The following RORA variants were observed in gnomAD, a reference collection of about 807,000 sequenced individuals.
RORA encodes nuclear receptor ROR-alpha.
Under a neutral mutation model 69.5 loss-of-function variants are expected in RORA, and 7 were observed. That is an observed-to-expected ratio of 0.10 (90% CI 0.06 to 0.19). The LOEUF (loss-of-function observed/expected upper bound fraction) is 0.19. RORA is among the 10% of genes least tolerant of loss of function. The pLI is 1.00. For synonymous variants in RORA, 261 were observed against 240.8 expected, an observed-to-expected ratio of 1.08 and a Z score of -0.78; for missense variants, 457 against 663.0, an observed-to-expected ratio of 0.69 and a Z score of 3.41.
chr15:60,533,644 A>G (rs1327189625), intron 2 of RORA, among the ~76,000 whole-genome samples: 1 of 152,212 alleles, frequency 6.6e-6, no homozygotes, highest in East Asian at 1.9e-4. Context: ...AAGTGGAAGT[A>G]GAGAAATCCT....
intron 1 of RORA, among the ~76,000 whole-genome samples, chr15:60,733,277 T>C (rs2071453796): frequency 6.6e-6 from 1 of 152,184 alleles, no homozygotes; most frequent in Admixed American, 6.5e-5. Flanking sequence ...AACTACCGAC[T>C]GTAGAGGCCA....
chr15:60,911,470 C>T (rs1891714813), intron 1 of RORA, among the ~76,000 whole-genome samples: 1 of 152,102 alleles, frequency 6.6e-6, no homozygotes, highest in African/African-American at 2.4e-5. Context: ...GTTGTGATTT[C>T]TAGGATCTTA....
At chr15:60,639,373 C>G (rs144111572) in intron 2 of RORA, among the ~76,000 whole-genome samples, 32 of 152,182 alleles carry the variant, frequency 2.1e-4, no homozygotes, top group African/African-American at 7.0e-4. Flanking sequence ...CACTTAAAAG[C>G]CATCGAAGCT....
rs147863977 is a variant in RORA at position 61,050,295 on chromosome 15, C to T, written c.166+178758G>A. On this transcript the variant is annotated intron_variant, in intron 1 of 10. Coordinates refer to ENST00000335670, the MANE Select transcript of RORA (RefSeq NM_134261.3). Reference sequence around the variant, plus strand: ...AAAGTCTAAAATATTTACTCTTTGGCCCTTTACGGAAAACGTGTACAAACT... The same window carrying T: ...AAAGTCTAAAATATTTACTCTTTGGTCCTTTACGGAAAACGTGTACAAACT... 1.8e-3 allele frequency among the ~76,000 whole-genome samples: 273 copies of T among 152,240 alleles called. 2 individuals carry two copies. Among genetic ancestry groups the T allele is most frequent in the Non-Finnish European group, 2.8e-3 (188 of 68,028 alleles).
At chr15:61,219,651 G>A (rs2080076490) in intron 1 of RORA, among the ~76,000 whole-genome samples, 2 of 152,114 alleles carry the variant, frequency 1.3e-5, no homozygotes, top group South Asian at 4.1e-4. Context: ...ACAGGAACAT[G>A]AGGTAAGAAA....
At chr15:61,161,280 G>T (rs2079493803) in intron 1 of RORA, among the ~76,000 whole-genome samples, 1 of 152,136 alleles carries the variant, frequency 6.6e-6, no homozygotes, top group South Asian at 2.1e-4. Context: ...CAGTAATATA[G>T]GGCAGAAGAG....
intron 2 of RORA, among the ~76,000 whole-genome samples, chr15:60,546,007 T>G (rs1025773578): frequency 6.6e-6 from 1 of 152,180 alleles, no homozygotes; most frequent in South Asian, 2.1e-4. Flanking sequence ...GGTGATCAGG[T>G]TGCCTTCAGT....
chr15:60,796,553 C>T (rs2072500021), intron 1 of RORA, among the ~76,000 whole-genome samples: 1 of 151,790 alleles, frequency 6.6e-6, no homozygotes, highest in Non-Finnish European at 1.5e-5. Flanking sequence ...GGTAAGGAAA[C>T]TGGAAACCTT....
intron 1 of RORA, among the ~76,000 whole-genome samples, chr15:60,924,924 C>T (rs1024666290): frequency 2.0e-5 from 3 of 151,740 alleles, no homozygotes; most frequent in Non-Finnish European, 4.4e-5. Context: ...ACTAAAAATA[C>T]AAAAATTAGC....
chr15:61,155,219 T>G (rs1044361906), intron 1 of RORA, among the ~76,000 whole-genome samples: 3 of 152,186 alleles, frequency 2.0e-5, no homozygotes, highest in African/African-American at 7.2e-5. Flanking sequence ...CCCGTAAATA[T>G]GTACATTATG....
chr15:60,634,517 G>A (rs1043531156), intron 2 of RORA, among the ~76,000 whole-genome samples: 3 of 151,624 alleles, frequency 2.0e-5, no homozygotes, highest in African/African-American at 4.8e-5. Context: ...CGATTCTCCT[G>A]CCTCAGCCTC....
At chr15:61,207,648 C>A (rs2079954442) in intron 1 of RORA, among the ~76,000 whole-genome samples, 2 of 152,212 alleles carry the variant, frequency 1.3e-5, no homozygotes, top group African/African-American at 4.8e-5. Context: ...TGATTCCGAG[C>A]TGAAAAGCAA....
At chr15:60,549,897 A>T (rs1390377022) in intron 2 of RORA, among the ~76,000 whole-genome samples, 1 of 152,256 alleles carries the variant, frequency 6.6e-6, no homozygotes, top group African/African-American at 2.4e-5. Context: ...ACTGAATTGT[A>T]AGGACAACAT....
Position 60,503,540 on chromosome 15 carries a change from T to C in RORA, c.1070A>G (p.Lys357Arg). 1.9e-6 allele frequency: 3 copies of C among 1,614,064 alleles called. No homozygotes were observed. The highest frequency in any genetic ancestry group is 2.5e-6 in the Non-Finnish European group (3 of 1,179,972). ...LCQNDQIVLL[K>R]AGSLEVVFIR... ...TTCACTTGCAAAGCACATACCTGCT[T>C]TTAGAAGCACAATTTGATCATTTTG... Residue 357 changes from lysine (K) to arginine (R), a missense_variant, in exon 7 of 11, where the codon AAA becomes AGA. Coordinates refer to ENST00000335670, the MANE Select transcript of RORA (RefSeq NM_134261.3).
At position 60,958,011 on chromosome 15, in the gene RORA, T is replaced by G. The variant is rs187742535; in HGVS notation, c.166+271042A>C. On this transcript the variant is annotated intron_variant, in intron 1 of 10. Coordinates refer to ENST00000335670, the MANE Select transcript of RORA (RefSeq NM_134261.3). ...CTTGAAATGAGAATAATTAGCCAAC[T>G]GCTTTGATTCAATGTCTCCTTTGAA... Among the ~76,000 whole-genome samples, 65 of 151,866 alleles carry G rather than the reference T, an allele frequency of 4.3e-4. 1 individual carries two copies. The highest frequency in any genetic ancestry group is 1.4e-3 in the African/African-American group (58 of 41,450).
chr15:61,227,583 G>GA, intron 1 of RORA, among the ~76,000 whole-genome samples: 1 of 152,176 alleles, frequency 6.6e-6, no homozygotes, highest in African/African-American at 2.4e-5. Context: ...AAGGTGGGGG[G>GA]GGGGATACTG....
intron 2 of RORA, among the ~76,000 whole-genome samples, chr15:60,580,272 T>C (rs2068153976): frequency 6.6e-6 from 1 of 152,176 alleles, no homozygotes; most frequent in South Asian, 2.1e-4. Context: ...CTAAATTTCA[T>C]TATGTCACAC....
intron 1 of RORA, among the ~76,000 whole-genome samples, chr15:60,698,511 T>A (rs896087997): frequency 1.3e-5 from 2 of 152,210 alleles, no homozygotes; most frequent in African/African-American, 4.8e-5. Context: ...AATTAAAATT[T>A]ACATTAACTC....
intron 1 of RORA, among the ~76,000 whole-genome samples, chr15:60,995,291 G>A (rs762291632): frequency 5.9e-5 from 9 of 152,132 alleles, no homozygotes; most frequent in African/African-American, 1.7e-4. Context: ...TTAGCACTCC[G>A]GGTACAGAGG....
Sources: allele counts gnomAD v4.1 joint callset (sites outside exome capture counted in the v4.1 genomes callset), GRCh38; gene constraint gnomAD v4.1.1; transcripts MANE v1.5; gene names NCBI Gene and HGNC (gene_info 2026-07-23, HGNC 2026-07-21).